Variants in CORO1A observed in about 807,000 individuals in gnomAD.
The protein encoded by CORO1A is coronin 1A, also known as coronin-1A.
CORO1A carries 17 observed loss-of-function variants against 44.1 expected under a neutral mutation model. The observed-to-expected ratio is 0.39, with a 90% CI of 0.26 to 0.58. CORO1A has a LOEUF of 0.58. CORO1A is among the 20% of genes least tolerant of loss of function. The pLI is 0.62. For synonymous variants in CORO1A, 271 were observed against 244.2 expected, an observed-to-expected ratio of 1.11 and a Z score of -1.02; for missense variants, 415 against 606.5, an observed-to-expected ratio of 0.68 and a Z score of 3.32.
chr16:30,188,210 G>C lies in CORO1A; in HGVS notation c.1026G>C (p.Glu342Asp). Residue 342 changes from glutamate (E) to aspartate (D), a missense_variant, in exon 9 of 11, where the codon GAG becomes GAC. Transcript: ENST00000219150. ...CCCACAGGTTCTACAAGCTGCACGA[G>C]CGGAGGTGTGAGCCCATTGCCATGA... is the stretch of plus-strand genomic sequence containing the variant. ...CEIARFYKLHERRCEPIAMTV... is the reference protein window; with the variant it reads ...CEIARFYKLHDRRCEPIAMTV... The C allele has an allele frequency of 6.2e-7, 1 of 1,614,134 alleles. No individual in the cohort carries two copies. Among genetic ancestry groups the C allele is most frequent in the African/African-American group, 1.3e-5 (1 of 75,058 alleles).
At chr16:30,186,024 G>A (rs183708775) in intron 2 of CORO1A, 142 of 199,608 alleles carry the variant, frequency 7.1e-4, no homozygotes, top group Non-Finnish European at 1.1e-3. Flanking sequence ...AGTGGTTGTC[G>A]GGGTGAGAGC....
At position 30,188,053 on chromosome 16, in the gene CORO1A, C is replaced by T. The variant is rs757576567; in HGVS notation, c.973C>T (p.Arg325Cys). The T allele has an allele frequency of 1.9e-6, 3 of 1,613,844 alleles. No individual in the cohort carries two copies. The highest frequency in any genetic ancestry group is 2.2e-5 in the South Asian group (2 of 91,090). ...SQRGMGYMPK[R>C]GLEVNKCEIA... ...GCGGGGCATGGGCTACATGCCCAAA[C>T]GTGGCCTGGAGGTGAACAAGTGTGA... The change falls in exon 8 of 11, where the codon CGT (arginine) becomes TGT (cysteine). Residue 325 changes from arginine to cysteine, a missense_variant. By Grantham distance (180) the Arg-to-Cys change is radical (BLOSUM62 -3). Around this residue, in one of 2 missense-constraint regions of CORO1A, gnomAD observed 325 missense variants for 521.7 expected, o/e 0.62. Coordinates refer to ENST00000219150, the MANE Select transcript of CORO1A (RefSeq NM_007074.4).
chr16:30,187,626 T>C, intron 6 of CORO1A, 99 bp from the exon 7 acceptor site: 3 of 1,481,628 alleles, frequency 2.0e-6, no homozygotes, highest in Non-Finnish European at 2.8e-6. Context: ...CGTGAGATGG[T>C]TGTTCCCACT....
At position 30,187,974 on chromosome 16, in the gene CORO1A, T is replaced by C. The variant is rs913867712; in HGVS notation, c.894T>C (p.Thr298=). The C allele has an allele frequency of 6.2e-7, 1 of 1,613,944 alleles. No homozygotes were observed. Among genetic ancestry groups the C allele is most frequent in the African/African-American group, 1.3e-5 (1 of 74,888 alleles). ...GDSSIRYFEI[T]SEAPFLHYLS... ...GCTCAATCCGGTACTTTGAGATCAC[T>C]TCCGAGGCCCCTTTCCTGCACTATC... The change falls in exon 8 of 11, where the codon ACT becomes ACC. Residue 298 remains threonine, a synonymous_variant. Coordinates refer to ENST00000219150, the MANE Select transcript of CORO1A (RefSeq NM_007074.4).
At position 30,183,781 on chromosome 16, in the gene CORO1A, GGCGCGCGCGTGGGAGCCGCGGGCTGC is replaced by G. The variant is rs1401170884; in HGVS notation, c.-2+58_-2+83del. On this transcript the variant is annotated intron_variant, in intron 1 of 10. Transcript: ENST00000219150. This position sits in a 1 kb window ranked among gnomAD's most constrained non-coding sequence, Gnocchi z 5.0. ...CCGGGGCGAGGGCCACCTGTGGGGCGGCGCGCGCGTGGGAGCCGCGGGCTGCGGGGGCGCGCGGCTGTCACCGCGAC... is the reference window on the plus strand; with the variant it reads ...CCGGGGCGAGGGCCACCTGTGGGGCGGGGGGCGCGCGGCTGTCACCGCGAC... 3.3e-5 allele frequency: 5 copies of G among 151,662 alleles called. No individual in the cohort carries two copies. The highest frequency in any genetic ancestry group is 1.2e-4 in the African/African-American group (5 of 41,346). 9.4% of individuals were successfully genotyped at this position (151,662 alleles called of 1,614,324 possible). A position where few individuals can be genotyped will look rare whatever the true frequency, so the allele number is the denominator to read the frequency against.
In CORO1A at chr16:30,188,573, C is replaced by T. The variant is rs768824028; in HGVS notation, c.1278C>T (p.Ser426=). The change falls in exon 10 of 11, where the codon AGC becomes AGT. Residue 426 remains serine, a synonymous_variant. Transcript: ENST00000219150. ...RAAPEASGTP[S]SDAVSRLEEE... is the part of the protein sequence containing the mutation. Reference sequence around the variant, plus strand: ...CACCAGAGGCCAGTGGCACTCCCAGCTCGGTGAGAGGGCTGGGAAGCCAGG... The same window carrying T: ...CACCAGAGGCCAGTGGCACTCCCAGTTCGGTGAGAGGGCTGGGAAGCCAGG... The T allele has an allele frequency of 7.1e-7, 1 of 1,415,394 alleles. No individual in the cohort carries two copies. The highest frequency in any genetic ancestry group is 1.9e-5 in the Admixed American group (1 of 52,430). 87.7% of individuals were successfully genotyped at this position (1,415,394 alleles called of 1,614,324 possible).
At position 30,183,889 on chromosome 16, in the gene CORO1A, G is replaced by A. The variant is rs1011875853; in HGVS notation, c.-2+164G>A. 3 of 151,956 alleles carry A rather than the reference G, an allele frequency of 2.0e-5. No individual in the cohort carries two copies. Among genetic ancestry groups the A allele is most frequent in the African/African-American group, 7.2e-5 (3 of 41,406 alleles). 9.4% of individuals were successfully genotyped at this position (151,956 alleles called of 1,614,324 possible). A position where few individuals can be genotyped will look rare whatever the true frequency, so the allele number is the denominator to read the frequency against. On this transcript the variant is annotated intron_variant, in intron 1 of 10. Coordinates refer to ENST00000219150, the MANE Select transcript of CORO1A (RefSeq NM_007074.4). This position sits in a 1 kb window ranked among gnomAD's most constrained non-coding sequence, Gnocchi z 5.0. Reference sequence around the variant, plus strand: ...AGCAGCCCGTGGGGGGACGCTGCTTGGAGTGGGGGCCGCCGGGGCCCCAGA... The same window carrying A: ...AGCAGCCCGTGGGGGGACGCTGCTTAGAGTGGGGGCCGCCGGGGCCCCAGA...
intron 6 of CORO1A, 34 bp from the exon 7 acceptor site, chr16:30,187,691 G>A (rs758965652): frequency 4.5e-6 from 7 of 1,547,946 alleles, no homozygotes; most frequent in East Asian, 2.2e-5. Flanking sequence ...ACCATCCCAG[G>A]GCCTGGGATG....
At chr16:30,186,268 T>G in intron 2 of CORO1A, 2 of 388,716 alleles carry the variant, frequency 5.1e-6, no homozygotes, top group East Asian at 6.2e-5. Flanking sequence ...GGGCCAGTTG[T>G]GCCCATGGAA....
At chr16:30,185,587 C>G (rs1219079951) in intron 2 of CORO1A, 180 bp downstream of exon 2, 1 of 621,274 alleles carries the variant, frequency 1.6e-6, no homozygotes, top group African/African-American at 1.8e-5. Flanking sequence ...TGTGTGGAAA[C>G]TGACGCTCAG....
At chr16:30,186,472 C>A in intron 2 of CORO1A, 126 bp from the exon 3 acceptor site, 2 of 1,216,932 alleles carry the variant, frequency 1.6e-6, no homozygotes, top group Non-Finnish European at 1.2e-6. Flanking sequence ...CGTCCCCACC[C>A]CAGGCCCTGG....
In CORO1A at chr16:30,188,480, C is replaced by T; in HGVS notation, c.1185C>T (p.Gly395=). 6.2e-7 allele frequency: 1 copy of T among 1,613,300 alleles called. No homozygotes were observed. The highest frequency in any genetic ancestry group is 8.5e-7 in the Non-Finnish European group (1 of 1,179,986). The change falls in exon 10 of 11, where the codon GGC becomes GGT. Residue 395 remains glycine, a synonymous_variant. Transcript: ENST00000219150. The part of the protein sequence containing the change: ...AGPLLISLKD[G]YVPPKSRELR... ...CCCTCCTCATCTCCCTCAAGGATGG[C>T]TACGTACCCCCAAAGAGCCGGGAGC... is the stretch of plus-strand genomic sequence containing the variant.
At position 30,186,615 on chromosome 16, in the gene CORO1A, G is replaced by A; in HGVS notation, c.216G>A (p.Lys72=). The A allele has an allele frequency of 6.2e-7, 1 of 1,612,556 alleles. No homozygotes were observed. The highest frequency in any genetic ancestry group is 8.5e-7 in the Non-Finnish European group (1 of 1,180,012). ...LPLGKTGRVD[K]NAPTVCGHTA... is the part of the protein sequence containing the mutation. ...GCCTTTAGACTGGACGTGTGGACAA[G>A]AATGCGCCCACGGTCTGTGGCCACA... Residue 72 remains lysine (K), a synonymous_variant, in exon 3 of 11, where the codon AAG becomes AAA. Transcript: ENST00000219150.
At chr16:30,186,111 C>T (rs2073330447) in intron 2 of CORO1A, 1 of 236,594 alleles carries the variant, frequency 4.2e-6, no homozygotes, top group Non-Finnish European at 8.6e-6. Context: ...CATTTCCAAA[C>T]CTCTGCTCCT....
At chr16:30,187,697 G>C (rs1443632362) in intron 6 of CORO1A, 28 bp from the exon 7 acceptor site, 1 of 1,562,772 alleles carries the variant, frequency 6.4e-7, no homozygotes, top group Admixed American at 1.7e-5. Context: ...CCAGGGCCTG[G>C]GATGTTACCT....
chr16:30,188,444 G>C lies in CORO1A; in HGVS notation c.1149G>C (p.Arg383=), dbSNP rs1405713487. ...ALTAEEWLGG[R]DAGPLLISLK... ...CGGCTGAGGAGTGGCTGGGGGGTCG[G>C]GATGCTGGGCCCCTCCTCATCTCCC... The change falls in exon 10 of 11, where the codon CGG becomes CGC. Residue 383 remains arginine, a synonymous_variant. Transcript: ENST00000219150. 5 of 1,613,340 alleles carry C rather than the reference G, an allele frequency of 3.1e-6. No individual in the cohort carries two copies. The highest frequency in any genetic ancestry group is 1.3e-5 in the African/African-American group (1 of 74,914).
chr16:30,186,156 T>A (rs1196457382), intron 2 of CORO1A: 2 of 271,924 alleles, frequency 7.4e-6, no homozygotes, highest in African/African-American at 4.4e-5. Context: ...CCCTGGCCCC[T>A]CTCCTTTTGG....
At chr16:30,187,275 T>A in intron 5 of CORO1A, 52 bp downstream of exon 5, 1 of 1,605,350 alleles carries the variant, frequency 6.2e-7, no homozygotes, top group Non-Finnish European at 8.5e-7. Flanking sequence ...ATCCTTCTTA[T>A]CCACCATCAG....
rs118107356 is a variant in CORO1A at position 30,184,368 on chromosome 16, G to A, written c.-2+643G>A. The A allele has an allele frequency of 0.015, 2,231 of 152,764 alleles. 28 individuals carry two copies. The highest frequency in any genetic ancestry group is 0.022 in the Non-Finnish European group (1,497 of 68,376). 9.5% of individuals were successfully genotyped at this position (152,764 alleles called of 1,614,324 possible). ...AGTGAGTAGGCGAGGCTGAGGCTAG[G>A]GGCAGAGGCTCTGGGCATGGCACCC... On this transcript the variant is annotated intron_variant, in intron 1 of 10. Coordinates refer to ENST00000219150, the MANE Select transcript of CORO1A (RefSeq NM_007074.4). This position sits in a 1 kb window ranked among gnomAD's most constrained non-coding sequence, Gnocchi z 4.3.
Sources: allele counts gnomAD v4.1 joint callset, GRCh38; gene constraint gnomAD v4.1.1; regional missense constraint gnomAD v4.1.1; non-coding constraint Gnocchi (gnomAD v3.1); transcripts MANE v1.5; gene names NCBI Gene and HGNC (gene_info 2026-07-23, HGNC 2026-07-21).